Variants in VRTN observed in about 807,000 individuals in gnomAD.
VRTN encodes vertnin.
VRTN carries 5 observed loss-of-function variants against 18.2 expected under a neutral mutation model. That is an observed-to-expected ratio of 0.27 (90% CI 0.14 to 0.58). The LOEUF is 0.58. Among genes scored for constraint, VRTN ranks in the 20% least tolerant of loss-of-function variants. The pLI, the probability that VRTN is intolerant of heterozygous loss-of-function variation, is 0.91. For missense variants in VRTN, 741 were observed against 939.4 expected, an observed-to-expected ratio of 0.79 and a Z score of 2.76; for synonymous variants, 381 against 393.7, an observed-to-expected ratio of 0.97 and a Z score of 0.38.
intron 2 of VRTN, among the ~76,000 whole-genome samples, chr14:74,341,005 G>A (rs144942787): frequency 6.6e-6 from 1 of 152,136 alleles, no homozygotes; most frequent in Non-Finnish European, 1.5e-5. Flanking sequence ...GCCTCCCAGA[G>A]TGCTGGGATT....
chr14:74,356,798 C>A lies in VRTN; in HGVS notation c.15C>A (p.Asn5Lys). 1.3e-6 allele frequency: 2 copies of A among 1,593,810 alleles called. No homozygotes were observed. Among genetic ancestry groups the A allele is most frequent in the South Asian group, 1.1e-5 (1 of 89,668 alleles). ...GCCCTGGCAGGATGACTTCTCGGAA[C>A]CAGCTGGTGCAGAAGGTGCTGCAGG... is the stretch of plus-strand genomic sequence containing the variant. The part of the protein sequence containing the change: MTSR[N>K]QLVQKVLQEL... The change falls in exon 2 of 2, where the codon AAC (asparagine) becomes AAA (lysine). Residue 5 changes from asparagine (N) to lysine (K), a missense_variant. Asn to Lys is a moderately conservative substitution (Grantham distance 94). Around this residue, in one of 3 missense-constraint regions of VRTN, gnomAD observed 186 missense variants for 288.3 expected, o/e 0.65. Coordinates refer to ENST00000256362, the MANE Select transcript of VRTN (RefSeq NM_018228.3).
chr14:74,327,571 C>T (rs1038823771), intron 1 of VRTN, among the ~76,000 whole-genome samples: 2 of 152,128 alleles, frequency 1.3e-5, no homozygotes, highest in Non-Finnish European at 2.9e-5. Context: ...GCAGTTATAC[C>T]TTCCCTTGGT....
intron 1 of VRTN, among the ~76,000 whole-genome samples, chr14:74,308,591 T>C (rs2085369438): frequency 6.6e-6 from 1 of 151,600 alleles, no homozygotes; most frequent in African/African-American, 2.4e-5. Flanking sequence ...CTCGGCCCAC[T>C]GCAACCTCTG....
At chr14:74,343,661 A>G (rs1364129641), upstream of VRTN, among the ~76,000 whole-genome samples, 3 of 152,178 alleles carry the variant, frequency 2.0e-5, no homozygotes, top group East Asian at 1.9e-4. Context: ...TATCTCGGCT[A>G]AAATAGAAGC....
intron 1 of VRTN, among the ~76,000 whole-genome samples, chr14:74,336,916 C>T (rs1243411644): frequency 6.6e-6 from 1 of 152,128 alleles, no homozygotes; most frequent in Admixed American, 6.5e-5. Context: ...CTAACAACTC[C>T]CACACTTACT....
intron 1 of VRTN, among the ~76,000 whole-genome samples, chr14:74,353,821 C>A (rs1481816568): frequency 1.3e-5 from 2 of 151,968 alleles, no homozygotes; most frequent in African/African-American, 2.4e-5. Context: ...CTCCCGGGTT[C>A]ACGCCATTCT....
At chr14:74,340,985 G>A (rs970671294) in intron 2 of VRTN, among the ~76,000 whole-genome samples, 5 of 152,006 alleles carry the variant, frequency 3.3e-5, no homozygotes, top group South Asian at 2.1e-4. Flanking sequence ...CCTGTGATCC[G>A]CCTGCCTCGG....
intron 1 of VRTN, among the ~76,000 whole-genome samples, chr14:74,334,597 A>C (rs916698409): frequency 1.2e-4 from 18 of 152,246 alleles, no homozygotes; most frequent in Admixed American, 4.6e-4. Flanking sequence ...GAGAGAACTC[A>C]TAAAGAAGAT....
intron 2 of VRTN, among the ~76,000 whole-genome samples, chr14:74,339,010 C>T (rs2085583373): frequency 6.6e-6 from 1 of 151,984 alleles, no homozygotes; most frequent in South Asian, 2.1e-4. Context: ...CAAGAGTGAG[C>T]CACTGTGCCA....
intron 1 of VRTN, among the ~76,000 whole-genome samples, chr14:74,336,564 A>G (rs2085566019): frequency 6.6e-6 from 1 of 152,158 alleles, no homozygotes; most frequent in Non-Finnish European, 1.5e-5. Context: ...GATTCATAAG[A>G]TTTATTTAAC....
chr14:74,338,553 G>A (rs942611569), intron 2 of VRTN, among the ~76,000 whole-genome samples: 1 of 152,098 alleles, frequency 6.6e-6, no homozygotes, highest in South Asian at 2.1e-4. Flanking sequence ...TTAACAAATT[G>A]TAATTTGTTT....
At chr14:74,321,490 GCT>G (rs1337126313) in intron 1 of VRTN, among the ~76,000 whole-genome samples, 2 of 150,748 alleles carry the variant, frequency 1.3e-5, no homozygotes, top group Non-Finnish European at 2.9e-5. Flanking sequence ...CCACATTCTT[GCT>G]CTCTTTCATT....
chr14:74,309,683 C>T lies in VRTN; in HGVS notation c.-164+6507C>T, dbSNP rs10139449. On this transcript the variant is annotated intron_variant, in intron 1 of 2. Transcript: ENST00000557177. ...CTGCACTCCAGCCTGGGCAACACAG[C>T]GAGACCTCGTTTCTAAAAGTAAATA... Among the ~76,000 whole-genome samples the T allele has an allele frequency of 6.5e-3, 983 of 151,956 alleles. 10 individuals carry two copies. Among genetic ancestry groups the T allele is most frequent in the African/African-American group, 0.022 (931 of 41,446 alleles).
intron 2 of VRTN, among the ~76,000 whole-genome samples, chr14:74,340,397 C>G (rs185832678): frequency 1.2e-4 from 18 of 152,114 alleles, no homozygotes; most frequent in Non-Finnish European, 2.2e-4. Context: ...CAGGCGTGAG[C>G]CACCGCGCCC....
chr14:74,358,745 G>A lies in VRTN; in HGVS notation c.1962G>A (p.Gln654=), dbSNP rs1311655440. The change falls in exon 2 of 2, where the codon CAG becomes CAA. Residue 654 remains glutamine (Q), a synonymous_variant. Transcript: ENST00000256362. The surrounding 1 kb of genome is among the most constrained non-coding windows in gnomAD (Gnocchi z 5.4). ...DMIATTKFKA[Q]AKLFLQKRFQ... Reference sequence around the variant, plus strand: ...TCGCTACCACGAAGTTCAAGGCCCAGGCCAAGCTGTTCTTGCAGAAGCGCT... The same window carrying A: ...TCGCTACCACGAAGTTCAAGGCCCAAGCCAAGCTGTTCTTGCAGAAGCGCT... 1.9e-6 allele frequency: 3 copies of A among 1,614,248 alleles called. No homozygotes were observed. Among genetic ancestry groups the A allele is most frequent in the Admixed American group, 3.3e-5 (2 of 60,034 alleles).
At position 74,351,509 on chromosome 14, in the gene VRTN, T is replaced by G. The variant is rs541287335; in HGVS notation, c.-2+2857T>G. On this transcript the variant is annotated intron_variant, in intron 1 of 1. Transcript: ENST00000256362. ...CTGATTACCAGGTTTTTTTTTTTTT[T>G]TTTTTTTTTTTAAGACAGTCTCACT... 2.1e-3 allele frequency among the ~76,000 whole-genome samples: 309 copies of G among 149,788 alleles called. 9 individuals are homozygous for G. In the East Asian group the frequency reaches 0.055, roughly 27 times the overall value.
intron 1 of VRTN, among the ~76,000 whole-genome samples, chr14:74,353,100 A>T (rs1234636587): frequency 1.3e-5 from 2 of 151,922 alleles, no homozygotes; most frequent in East Asian, 3.9e-4. Context: ...AGACCATGAG[A>T]CCACCCTGTC....
upstream of VRTN, among the ~76,000 whole-genome samples, chr14:74,348,087 A>G (rs1374864312): frequency 2.0e-5 from 3 of 152,166 alleles, no homozygotes; most frequent in South Asian, 2.1e-4. Context: ...GAGAGCCTCA[A>G]GGTATTTCTC....
chr14:74,308,733 C>G (rs894569391), intron 1 of VRTN, among the ~76,000 whole-genome samples: 2 of 152,172 alleles, frequency 1.3e-5, no homozygotes, highest in African/African-American at 4.8e-5. Context: ...CCAAGCTACT[C>G]TCGAACTCCT....
Sources: allele counts gnomAD v4.1 joint callset (sites outside exome capture counted in the v4.1 genomes callset), GRCh38; gene constraint gnomAD v4.1.1; regional missense constraint gnomAD v4.1.1; non-coding constraint Gnocchi (gnomAD v3.1); transcripts MANE v1.5; gene names NCBI Gene and HGNC (gene_info 2026-07-23, HGNC 2026-07-21).